Variants in ZFYVE16 observed in about 807,000 individuals in gnomAD.
The protein encoded by ZFYVE16 is zinc finger FYVE domain-containing protein 16.
ZFYVE16 carries 89 observed loss-of-function variants against 138.1 expected under a neutral mutation model. That is an observed-to-expected ratio of 0.64 (90% CI 0.54 to 0.77). The LOEUF (loss-of-function observed/expected upper bound fraction) is 0.77, where lower values mean the gene tolerates loss of function less well. Among genes scored for constraint, ZFYVE16 ranks in the 30% least tolerant of loss-of-function variants. The probability of loss-of-function intolerance (pLI) is 0.00; values close to 1 mark genes in which losing one functional copy is unlikely to be tolerated. For missense variants in ZFYVE16, 1,793 were observed against 1,786.7 expected (o/e 1.00, Z -0.06); for synonymous variants, 596 against 618.3 (o/e 0.96, Z 0.53).
chr5:80,445,425 A>G lies in ZFYVE16; in HGVS notation c.2724+20A>G. On this transcript the variant is annotated intron_variant, in intron 7 of 18. Transcript: ENST00000505560. The stretch of plus-strand genomic sequence containing the variant: ...CCTATGGTAAGGAATTCAAAGAATA[A>G]CTTAATTGACTAAACAAAATTTTAT... 1.3e-6 allele frequency: 2 copies of G among 1,596,250 alleles called. No individual in the cohort carries two copies. Among genetic ancestry groups the G allele is most frequent in the African/African-American group, 1.4e-5 (1 of 73,974 alleles).
At chr5:80,461,599 T>C (rs758253579) in intron 15 of ZFYVE16, among the ~76,000 whole-genome samples, 15 of 152,230 alleles carry the variant, frequency 9.9e-5, no homozygotes, top group Non-Finnish European at 1.8e-4. Context: ...TGGTTTCTGG[T>C]AAGGCTTGTC....
chr5:80,477,391 C>T lies in ZFYVE16; in HGVS notation c.*14C>T, dbSNP rs1755023485. Reference sequence around the variant, plus strand: ...CATCTTTTTTAGTGAAAGAATGTGCCATATTACATATTGCAACCTAATTTG... The same window carrying T: ...CATCTTTTTTAGTGAAAGAATGTGCTATATTACATATTGCAACCTAATTTG... On this transcript the variant is annotated 3_prime_UTR_variant, in exon 19 of 19. Transcript: ENST00000505560. The T allele has an allele frequency of 1.3e-6, 2 of 1,593,472 alleles. No individual in the cohort carries two copies. Among genetic ancestry groups the T allele is most frequent in the Non-Finnish European group, 1.7e-6 (2 of 1,173,092 alleles).
At chr5:80,451,335 A>C in intron 10 of ZFYVE16, 150 bp from the exon 11 acceptor site, 1 of 577,458 alleles carries the variant, frequency 1.7e-6, no homozygotes, top group Non-Finnish European at 2.9e-6. Flanking sequence ...ATAAGAAAAA[A>C]AATCTATAGT....
At chr5:80,453,167 C>G (rs1189910782) in intron 11 of ZFYVE16, among the ~76,000 whole-genome samples, 1 of 152,066 alleles carries the variant, frequency 6.6e-6, no homozygotes, top group Non-Finnish European at 1.5e-5. Flanking sequence ...TTTTATTAAA[C>G]TGTGATTTTG....
chr5:80,473,302 TACAA>T (rs996779076), intron 16 of ZFYVE16, among the ~76,000 whole-genome samples: 1 of 152,168 alleles, frequency 6.6e-6, no homozygotes, highest in African/African-American at 2.4e-5. Flanking sequence ...TCACTATAAA[TACAA>T]ACAACTGGAT....
At chr5:80,474,963 A>T in intron 18 of ZFYVE16, 133 bp downstream of exon 18, 1 of 946,900 alleles carries the variant, frequency 1.1e-6, no homozygotes, top group Non-Finnish European at 1.5e-6. Context: ...CACACTTCAC[A>T]TATATTATCT....
chr5:80,464,365 G>A (rs921770582), intron 15 of ZFYVE16, among the ~76,000 whole-genome samples: 10 of 152,212 alleles, frequency 6.6e-5, no homozygotes, highest in African/African-American at 2.4e-4. Flanking sequence ...AGGGGGAAGA[G>A]CCCCTTATAA....
chr5:80,447,548 T>C (rs1317156372), intron 7 of ZFYVE16, among the ~76,000 whole-genome samples: 1 of 152,166 alleles, frequency 6.6e-6, no homozygotes, highest in Non-Finnish European at 1.5e-5. Context: ...AAATAGTCTT[T>C]ATGGGTAGTT....
rs1353150195 is a variant in ZFYVE16, at chr5:80,459,511, T to TA, written c.4024+19dup. On this transcript the variant is annotated intron_variant, in intron 15 of 18. Coordinates refer to ENST00000505560, the MANE Select transcript of ZFYVE16 (RefSeq NM_001284236.3). ...TAGTTGAAGGTATGAATTTCATTTT[T>TA]AATGGTGTTTTAATGTAGAGTTATT... 1 of 1,598,008 alleles carries TA rather than the reference T, an allele frequency of 6.3e-7. No homozygotes were observed. Among genetic ancestry groups the TA allele is most frequent in the Admixed American group, 1.7e-5 (1 of 58,274 alleles).
intron 7 of ZFYVE16, among the ~76,000 whole-genome samples, chr5:80,447,509 T>A (rs1283767098): frequency 1.3e-5 from 2 of 152,172 alleles, no homozygotes; most frequent in African/African-American, 2.4e-5. Context: ...ACTGACTTTG[T>A]ACAGTCTAAA....
At position 80,480,060 on chromosome 5, in the gene ZFYVE16, C is replaced by T. The variant is rs970412442; in HGVS notation, c.*2683C>T. ...CATGGAAAAGTAATTTCATTGTAGG[C>T]CTCAAATTACTTTTCAAATATGTCT... On this transcript the variant is annotated 3_prime_UTR_variant, in exon 19 of 19. Transcript: ENST00000505560. Among the ~76,000 whole-genome samples, 1 of 151,852 alleles carries T rather than the reference C, an allele frequency of 6.6e-6. No homozygotes were observed. Among genetic ancestry groups the T allele is most frequent in the Non-Finnish European group, 1.5e-5 (1 of 67,980 alleles).
At chr5:80,419,887 C>T (rs1243435519) in intron 1 of ZFYVE16, among the ~76,000 whole-genome samples, 2 of 151,882 alleles carry the variant, frequency 1.3e-5, no homozygotes, top group East Asian at 3.9e-4. Flanking sequence ...TCTTGGCTTA[C>T]TGCAACATCC....
chr5:80,456,203 CT>C (rs1341875004), intron 12 of ZFYVE16: 3 of 328,192 alleles, frequency 9.1e-6, no homozygotes, highest in African/African-American at 6.5e-5. Context: ...TCCACCTATA[CT>C]TTTTGTAATT....
chr5:80,450,672 C>A, intron 10 of ZFYVE16, 86 bp downstream of exon 10: 1 of 1,309,320 alleles, frequency 7.6e-7, no homozygotes, highest in Non-Finnish European at 1.0e-6. Flanking sequence ...GCTAGCTATA[C>A]TAAAGATTTA....
chr5:80,461,597 G>C (rs1368935867), intron 15 of ZFYVE16, among the ~76,000 whole-genome samples: 17 of 152,188 alleles, frequency 1.1e-4, no homozygotes. Flanking sequence ...GTTGGTTTCT[G>C]GTAAGGCTTG....
At position 80,461,865 on chromosome 5, in the gene ZFYVE16, G is replaced by A. The variant is rs186834204; in HGVS notation, c.4024+2371G>A. On this transcript the variant is annotated intron_variant, in intron 15 of 18. Coordinates refer to ENST00000505560, the MANE Select transcript of ZFYVE16 (RefSeq NM_001284236.3). ...CGGGCGCCTGTAATCCCAGCTACTCGGGAGGCTGAGTCAAGAGAATGGTGT... is the reference window on the plus strand; with the variant it reads ...CGGGCGCCTGTAATCCCAGCTACTCAGGAGGCTGAGTCAAGAGAATGGTGT... Among the ~76,000 whole-genome samples, 677 of 152,178 alleles carry A rather than the reference G, an allele frequency of 4.4e-3. 2 individuals carry two copies. The highest frequency in any genetic ancestry group is 8.0e-3 in the Non-Finnish European group (547 of 68,012).
chr5:80,422,079 A>G (rs1223227677), intron 1 of ZFYVE16, among the ~76,000 whole-genome samples: 2 of 152,194 alleles, frequency 1.3e-5, no homozygotes, highest in African/African-American at 2.4e-5. Context: ...GAGTTCACTC[A>G]TGATTTGGCT....
In ZFYVE16 at chr5:80,456,973, A is replaced by G; in HGVS notation, c.3824A>G (p.Glu1275Gly). Residue 1275 changes from glutamate (E) to glycine (G), a missense_variant, in exon 14 of 19, where the codon GAG (glutamate) becomes GGG (glycine). Glu to Gly is a moderately conservative substitution (Grantham distance 98). This residue lies in a region of ZFYVE16 where 498 missense variants were observed against 582.4 expected (regional missense o/e 0.86). Transcript: ENST00000505560. Reference sequence around the variant, plus strand: ...ATGAAAGTACTAAATTCTTCCAATGAGCATGTCATTAGCATTGGAGCAAGT... The same window carrying G: ...ATGAAAGTACTAAATTCTTCCAATGGGCATGTCATTAGCATTGGAGCAAGT... ...DVMKVLNSSN[E>G]HVISIGASFS... The G allele has an allele frequency of 6.2e-7, 1 of 1,604,260 alleles. No individual in the cohort carries two copies. The highest frequency in any genetic ancestry group is 8.5e-7 in the Non-Finnish European group (1 of 1,177,650).
chr5:80,429,069 A>G (rs943771332), intron 2 of ZFYVE16, among the ~76,000 whole-genome samples: 2 of 152,218 alleles, frequency 1.3e-5, no homozygotes, highest in African/African-American at 4.8e-5. Context: ...CAACCTAGCA[A>G]GGCAGGCCAA....
Sources: gnomAD v4.1 joint callset for allele counts (sites outside exome capture counted in the v4.1 genomes callset) on GRCh38, gnomAD v4.1.1 for gene constraint, gnomAD v4.1.1 regional missense constraint, MANE v1.5 for transcripts, NCBI Gene and HGNC (gene_info 2026-07-23, HGNC 2026-07-21) for gene names.